The following MTRF1 variants were observed in gnomAD, a reference collection of about 807,000 sequenced individuals.
MTRF1 encodes the protein mitochondrial translation release factor 1.
A neutral mutation model predicts 62.9 loss-of-function variants in MTRF1; 51 were observed. That is an observed-to-expected ratio of 0.81 (90% CI 0.65 to 1.02). The LOEUF is 1.02. Among genes scored for constraint, MTRF1 ranks in the 50% least tolerant of loss-of-function variants. The pLI is 0.00. For synonymous variants in MTRF1, 158 were observed against 181.9 expected, an observed-to-expected ratio of 0.87 and a Z score of 1.06; for missense variants, 446 against 530.0, an observed-to-expected ratio of 0.84 and a Z score of 1.56.
At chr13:41,254,394 C>T (rs1593996234) in intron 3 of MTRF1, 135 bp downstream of exon 3, 1 of 459,902 alleles carries the variant, frequency 2.2e-6, no homozygotes, top group African/African-American at 2.0e-5. Flanking sequence ...TTACAGGAGA[C>T]CAGCTTGATC....
At chr13:41,309,957 T>C in the MTRF1 span, among the ~76,000 whole-genome samples, 2 of 152,200 alleles carry the variant, frequency 1.3e-5, no homozygotes, top group Middle Eastern at 3.4e-3. Flanking sequence ...GATAGCGCCA[T>C]TGCATTCCAG....
chr13:41,244,554 C>G lies in MTRF1; in HGVS notation c.698-4121G>C, dbSNP rs2037986692. Among the ~76,000 whole-genome samples, 3 of 152,186 alleles carry G rather than the reference C, an allele frequency of 2.0e-5. No individual in the cohort carries two copies. In the South Asian group the frequency reaches 6.2e-4, roughly 32 times the overall value. On this transcript the variant is annotated intron_variant, in intron 5 of 9. Coordinates refer to ENST00000379480, the MANE Select transcript of MTRF1 (RefSeq NM_004294.4). ...TGCTGGTATTCATACCCTTACAGTT[C>G]CCTCCCAGCTGGTCTGTATGATCAA...
the MTRF1 span, among the ~76,000 whole-genome samples, chr13:41,302,151 C>G: frequency 2.6e-5 from 4 of 152,024 alleles, no homozygotes; most frequent in African/African-American, 9.7e-5. Flanking sequence ...CTCAGACTCC[C>G]GAGTAGCTGG....
intron 5 of MTRF1, among the ~76,000 whole-genome samples, chr13:41,250,682 C>T (rs1290255414): frequency 1.3e-5 from 2 of 152,014 alleles, no homozygotes; most frequent in African/African-American, 2.4e-5. Flanking sequence ...TTAGTACAGA[C>T]GGGGTTTTAC....
At chr13:41,269,031 T>TAAAA in the MTRF1 span, among the ~76,000 whole-genome samples, 3 of 150,076 alleles carry the variant, frequency 2.0e-5, no homozygotes, top group African/African-American at 7.3e-5. Flanking sequence ...TTTTTTTTTT[T>TAAAA]AAAACCAGTC....
At chr13:41,251,139 C>T (rs1336753619) in intron 5 of MTRF1, among the ~76,000 whole-genome samples, 1 of 152,178 alleles carries the variant, frequency 6.6e-6, no homozygotes, top group Non-Finnish European at 1.5e-5. Context: ...ACAAGACATA[C>T]TGGATAAACA....
the MTRF1 span, among the ~76,000 whole-genome samples, chr13:41,310,596 G>C: frequency 6.6e-6 from 1 of 152,234 alleles, no homozygotes; most frequent in African/African-American, 2.4e-5. Flanking sequence ...TTTGAACTCA[G>C]GAGGCGGAGG....
chr13:41,259,701 C>CA (rs67069580), intron 2 of MTRF1, among the ~76,000 whole-genome samples: 4,972 of 28,964 alleles, frequency 0.17, 185 homozygotes, highest in Non-Finnish European at 0.26. Context: ...GACTCCGTCT[C>CA]AAAAAAAAAA....
chr13:41,217,592 G>T (rs1325347520), intron 9 of MTRF1, among the ~76,000 whole-genome samples: 1 of 152,000 alleles, frequency 6.6e-6, no homozygotes, highest in Non-Finnish European at 1.5e-5. Context: ...TAGGAGAACG[G>T]GTTTGCTGGA....
At chr13:41,278,026 C>G in the MTRF1 span, among the ~76,000 whole-genome samples, 164 of 152,312 alleles carry the variant, frequency 1.1e-3, 3 homozygotes, top group East Asian at 0.018. Flanking sequence ...TGCTATATTA[C>G]TAGGATCCCA....
At chr13:41,219,570 TTGTAAGGAACCA>T (rs2032769107) in intron 9 of MTRF1, among the ~76,000 whole-genome samples, 1 of 152,010 alleles carries the variant, frequency 6.6e-6, no homozygotes. Flanking sequence ...AAAGGAAGGA[TTGTAAGGAACCA>T]TGAATTTTGA....
chr13:41,231,927 G>A (rs889850605), intron 7 of MTRF1, among the ~76,000 whole-genome samples: 3 of 150,038 alleles, frequency 2.0e-5, no homozygotes, highest in East Asian at 2.0e-4. Flanking sequence ...GGTGGCAAGC[G>A]CCTATAGTTC....
At chr13:41,273,258 G>A in the MTRF1 span, among the ~76,000 whole-genome samples, 31 of 151,982 alleles carry the variant, frequency 2.0e-4, no homozygotes, top group East Asian at 5.8e-4. Context: ...CCCGGGTGGC[G>A]GAGGTTGCAG....
At position 41,227,579 on chromosome 13, in the gene MTRF1, G is replaced by GT. The variant is rs369474471; in HGVS notation, c.989-1012dup. 6.5e-4 allele frequency among the ~76,000 whole-genome samples: 99 copies of GT among 152,230 alleles called. 1 individual carries two copies. The highest frequency in any genetic ancestry group is 2.4e-3 in the African/African-American group (98 of 41,540). On this transcript the variant is annotated intron_variant, in intron 7 of 9. Coordinates refer to ENST00000379480, the MANE Select transcript of MTRF1 (RefSeq NM_004294.4). ...AACGATCACTTCTTGAGGCTGTGTT[G>GT]TTCTTAACTTTGCAGCTACCACTCT...
intron 6 of MTRF1, chr13:41,235,681 G>C (rs1566096601): frequency 6.6e-6 from 1 of 152,652 alleles, no homozygotes. Flanking sequence ...TGCAAGGGAG[G>C]ATTCTCCCCA....
chr13:41,264,716 G>T (rs895385991), upstream of MTRF1, among the ~76,000 whole-genome samples: 6 of 152,194 alleles, frequency 3.9e-5, no homozygotes, highest in African/African-American at 1.4e-4. Context: ...TACTTATTTT[G>T]CAGAGGAGAA....
At chr13:41,306,619 C>T in the MTRF1 span, among the ~76,000 whole-genome samples, 3 of 152,296 alleles carry the variant, frequency 2.0e-5, no homozygotes, top group Admixed American at 1.3e-4. Flanking sequence ...AGATTCTTCT[C>T]TCCTTGTCTT....
At chr13:41,311,436 C>T in the MTRF1 span, 3 of 1,241,688 alleles carry the variant, frequency 2.4e-6, no homozygotes, top group South Asian at 3.9e-5. Flanking sequence ...GCCCGACTCT[C>T]AGCAGCGGTT....
the MTRF1 span, among the ~76,000 whole-genome samples, chr13:41,273,323 C>A: frequency 2.3e-5 from 3 of 132,482 alleles, no homozygotes; most frequent in Admixed American, 2.2e-4. Context: ...GAGACTCCGT[C>A]TCAAAAAAAA....
Sources: gnomAD v4.1 joint callset for allele counts (sites outside exome capture counted in the v4.1 genomes callset) on GRCh38, gnomAD v4.1.1 for gene constraint, MANE v1.5 for transcripts, NCBI Gene and HGNC (gene_info 2026-07-23, HGNC 2026-07-21) for gene names.